KCNQ5: variants seen among roughly 807,000 people sequenced by gnomAD.
KCNQ5 encodes potassium voltage-gated channel subfamily Q member 5, also known as potassium voltage-gated channel subfamily KQT member 5.
Under a neutral mutation model 98.2 loss-of-function variants are expected in KCNQ5, and 30 were observed. That is an observed-to-expected ratio of 0.31 (90% CI 0.23 to 0.41). KCNQ5 has a LOEUF of 0.41. Among genes scored for constraint, KCNQ5 ranks in the 10% least tolerant of loss-of-function variants. KCNQ5 has a pLI of 1.00. For missense variants in KCNQ5, 835 were observed against 1,182.5 expected (o/e 0.71, Z 4.31); for synonymous variants, 458 against 449.4 (o/e 1.02, Z -0.24).
At chr6:72,940,769 T>C (rs530655811) in intron 1 of KCNQ5, among the ~76,000 whole-genome samples, 32 of 152,350 alleles carry the variant, frequency 2.1e-4, no homozygotes, top group African/African-American at 6.3e-4. Flanking sequence ...CTTCTGCACG[T>C]ACTAGCTCTG....
At chr6:73,100,381 A>G (rs1029431408) in intron 5 of KCNQ5, among the ~76,000 whole-genome samples, 5 of 152,154 alleles carry the variant, frequency 3.3e-5, no homozygotes, top group African/African-American at 1.2e-4. Context: ...CAAAAGATTA[A>G]CAAGGCCAGG....
At chr6:73,188,906 C>G (rs988303927) in intron 11 of KCNQ5, among the ~76,000 whole-genome samples, 2 of 149,476 alleles carry the variant, frequency 1.3e-5, no homozygotes, top group African/African-American at 5.0e-5. Flanking sequence ...TCGCTTGAAC[C>G]TGGGAGGCAG....
At chr6:72,789,164 T>C (rs1206691855) in intron 1 of KCNQ5, among the ~76,000 whole-genome samples, 1 of 152,076 alleles carries the variant, frequency 6.6e-6, no homozygotes, top group Non-Finnish European at 1.5e-5. Flanking sequence ...TGTGTGTGTG[T>C]GTGTGTGTGT....
chr6:72,800,900 G>A (rs1295310266), intron 1 of KCNQ5, among the ~76,000 whole-genome samples: 3 of 152,080 alleles, frequency 2.0e-5, no homozygotes, highest in Non-Finnish European at 4.4e-5. Context: ...AGTCATTCAG[G>A]AGCAGGTTGT....
Position 72,800,442 on chromosome 6 carries a change from G to C in KCNQ5, c.398+177855G>C, listed in dbSNP as rs145116127. On this transcript the variant is annotated intron_variant, in intron 1 of 13. Transcript: ENST00000370398. ...GTGTTTGTAGTATTCTCTGATGGTA[G>C]TTTGTATTTCTGTGGGATCGGTGGT... 8.2e-3 allele frequency among the ~76,000 whole-genome samples: 1,251 copies of C among 152,302 alleles called. 28 individuals carry two copies. The highest frequency in any genetic ancestry group is 0.071 in the East Asian group (367 of 5,182).
At chr6:73,065,541 A>G (rs554282077) in intron 3 of KCNQ5, among the ~76,000 whole-genome samples, 113 of 152,282 alleles carry the variant, frequency 7.4e-4, no homozygotes, top group African/African-American at 2.6e-3. Context: ...GGTAACCAAA[A>G]TGATCTTGTG....
intron 2 of KCNQ5, among the ~76,000 whole-genome samples, chr6:73,010,640 T>TAAA (rs61014549): frequency 8.9e-4 from 121 of 135,944 alleles, no homozygotes; most frequent in African/African-American, 3.0e-3. Flanking sequence ...CCTGAAGATT[T>TAAA]AAAAAAAAAA....
At chr6:72,696,249 G>A (rs1162852556) in intron 1 of KCNQ5, among the ~76,000 whole-genome samples, 3 of 152,044 alleles carry the variant, frequency 2.0e-5, no homozygotes, top group Non-Finnish European at 2.9e-5. Flanking sequence ...GGCAAACAGT[G>A]GAATATTATA....
chr6:73,074,684 T>C (rs72947192), intron 3 of KCNQ5, among the ~76,000 whole-genome samples: 1,638 of 152,028 alleles, frequency 0.011, 11 homozygotes, highest in Non-Finnish European at 0.016. Flanking sequence ...GCTTTTTTCA[T>C]CTGTAAAATG....
intron 1 of KCNQ5, among the ~76,000 whole-genome samples, chr6:72,965,613 A>G (rs1245662184): frequency 6.6e-6 from 1 of 152,150 alleles, no homozygotes; most frequent in Non-Finnish European, 1.5e-5. Context: ...TTGTTTTCCT[A>G]TCCACTGACC....
chr6:72,800,953 T>A (rs1256844297), intron 1 of KCNQ5, among the ~76,000 whole-genome samples: 1 of 151,972 alleles, frequency 6.6e-6, no homozygotes, highest in South Asian at 2.1e-4. Flanking sequence ...AGTTTCTTAA[T>A]CCTGAGTTCT....
chr6:73,092,094 G>GGC (rs1774278431), intron 5 of KCNQ5, among the ~76,000 whole-genome samples: 2 of 137,606 alleles, frequency 1.5e-5, no homozygotes, highest in African/African-American at 5.3e-5. Flanking sequence ...TTTTTTGTTT[G>GGC]TTTGTTTTTT....
intron 1 of KCNQ5, among the ~76,000 whole-genome samples, chr6:72,829,388 TG>T (rs1222855684): frequency 1.3e-5 from 2 of 152,182 alleles, no homozygotes; most frequent in African/African-American, 4.8e-5. Context: ...GGAGCATTTT[TG>T]GTTCTGCTTA....
chr6:72,895,595 T>C (rs529177560), intron 1 of KCNQ5, among the ~76,000 whole-genome samples: 50 of 150,786 alleles, frequency 3.3e-4, no homozygotes, highest in Non-Finnish European at 6.8e-4. Flanking sequence ...GTGTACAGTG[T>C]AATGAACTCA....
chr6:72,742,385 A>C (rs1771173945), intron 1 of KCNQ5, among the ~76,000 whole-genome samples: 1 of 152,192 alleles, frequency 6.6e-6, no homozygotes, highest in African/African-American at 2.4e-5. Flanking sequence ...AAGGGTTGCA[A>C]AAGTTCTACT....
intron 1 of KCNQ5, among the ~76,000 whole-genome samples, chr6:72,769,015 G>A (rs1365325722): frequency 2.6e-5 from 4 of 152,076 alleles, no homozygotes; most frequent in Non-Finnish European, 5.9e-5. Flanking sequence ...CAAATAGTGA[G>A]TCTCCCAATC....
chr6:72,813,840 A>G (rs1443311106), intron 1 of KCNQ5, among the ~76,000 whole-genome samples: 1 of 151,948 alleles, frequency 6.6e-6, no homozygotes, highest in Non-Finnish European at 1.5e-5. Context: ...TTTTTGTTGC[A>G]ATGTTATTAT....
chr6:72,699,830 C>T (rs1280381846), intron 1 of KCNQ5, among the ~76,000 whole-genome samples: 1 of 152,162 alleles, frequency 6.6e-6, no homozygotes, highest in Non-Finnish European at 1.5e-5. Context: ...CTGTTCATTA[C>T]TTAGACTGTT....
At chr6:72,895,288 C>CAA (rs774007820) in intron 1 of KCNQ5, among the ~76,000 whole-genome samples, 1 of 99,728 alleles carries the variant, frequency 1.0e-5, no homozygotes, top group African/African-American at 3.7e-5. Flanking sequence ...GACTCGGTCT[C>CAA]AAAAAAAAAA....
Sources: gnomAD v4.1 joint callset for allele counts (sites outside exome capture counted in the v4.1 genomes callset) on GRCh38, gnomAD v4.1.1 for gene constraint, MANE v1.5 for transcripts, NCBI Gene and HGNC (gene_info 2026-07-23, HGNC 2026-07-21) for gene names.